The following IFT74 variants were observed in gnomAD, a reference collection of about 807,000 sequenced individuals.
The protein encoded by IFT74 is intraflagellar transport 74, also known as intraflagellar transport protein 74 homolog.
A neutral mutation model predicts 96.7 loss-of-function variants in IFT74; 92 were observed. That is an observed-to-expected ratio of 0.95 (90% confidence interval 0.80 to 1.13). The LOEUF (loss-of-function observed/expected upper bound fraction) is 1.13, where lower values mean the gene tolerates loss of function less well. IFT74 is among the 50% of genes most tolerant of loss of function. IFT74 has a pLI of 0.00. For synonymous variants in IFT74, 223 were observed against 213.2 expected (o/e 1.05, Z -0.40); for missense variants, 811 against 698.2 (o/e 1.16, Z -1.82).
intron 18 of IFT74, 90 bp downstream of exon 18, chr9:27,056,549 A>G (rs1311694714): frequency 2.6e-6 from 3 of 1,151,096 alleles, no homozygotes; most frequent in African/African-American, 3.2e-5. Context: ...TTTGCTTTAT[A>G]TACCTTCTAG....
intron 1 of IFT74, among the ~76,000 whole-genome samples, chr9:26,959,295 G>A (rs1826252318): frequency 6.6e-6 from 1 of 152,078 alleles, no homozygotes; most frequent in South Asian, 2.1e-4. Context: ...TTTTTTAGTA[G>A]AGACAGGGTT....
At chr9:27,011,778 T>C in intron 9 of IFT74, 128 bp from the exon 10 acceptor site, 2 of 441,504 alleles carry the variant, frequency 4.5e-6, no homozygotes, top group Non-Finnish European at 4.0e-6. Context: ...ATTTAGAAAA[T>C]TTACTTAGTC....
chr9:27,015,686 C>T (rs1275431685), intron 10 of IFT74, among the ~76,000 whole-genome samples: 1 of 152,024 alleles, frequency 6.6e-6, no homozygotes, highest in Admixed American at 6.6e-5. Context: ...TTATTTTGTT[C>T]AAGTTGTAGG....
At chr9:27,032,387 G>A (rs7857669) in intron 13 of IFT74, among the ~76,000 whole-genome samples, 35,835 of 151,990 alleles carry the variant, frequency 0.24, 5,204 homozygotes, top group East Asian at 0.69. Flanking sequence ...ATTCATACCA[G>A]GAAATGACAA....
rs113588892 is a variant in IFT74 at position 26,969,939 on chromosome 9, G to A, written c.120+7852G>A. 5.8e-3 allele frequency among the ~76,000 whole-genome samples: 876 copies of A among 151,928 alleles called. 12 individuals carry two copies. The highest frequency in any genetic ancestry group is 0.02 in the African/African-American group (818 of 41,476). On this transcript the variant is annotated intron_variant, in intron 2 of 19. Transcript: ENST00000380062. ...CTTATCCTGTCAGGGTATAAAATTC[G>A]TGGCTGACAATTTTTTTGTTTTGTT...
chr9:27,059,828 T>TA (rs1164049126), intron 18 of IFT74, among the ~76,000 whole-genome samples: 1 of 152,262 alleles, frequency 6.6e-6, no homozygotes, highest in Non-Finnish European at 1.5e-5. Context: ...ATTGTATTTT[T>TA]AAAAATAATC....
At chr9:26,989,594 A>T (rs566203079) in intron 7 of IFT74, among the ~76,000 whole-genome samples, 1 of 152,274 alleles carries the variant, frequency 6.6e-6, no homozygotes, top group African/African-American at 2.4e-5. Context: ...TAATTTAGTT[A>T]CTTTTAGCTT....
chr9:26,959,722 A>C (rs1554664531), intron 1 of IFT74, among the ~76,000 whole-genome samples: 1 of 152,082 alleles, frequency 6.6e-6, no homozygotes, highest in Non-Finnish European at 1.5e-5. Context: ...TCAAGTTGTA[A>C]TTTTTTTAAA....
At chr9:26,989,808 A>G (rs1348540027) in intron 7 of IFT74, among the ~76,000 whole-genome samples, 1 of 150,428 alleles carries the variant, frequency 6.6e-6, no homozygotes, top group Non-Finnish European at 1.5e-5. Flanking sequence ...AATTTAACAT[A>G]TTACTAATCA....
intron 6 of IFT74, among the ~76,000 whole-genome samples, chr9:26,987,029 G>A (rs4413873): frequency 0.32 from 49,059 of 152,002 alleles, 9,363 homozygotes; most frequent in East Asian, 0.71. Context: ...TGTTTTAAAT[G>A]TGAGCAAAAT....
At chr9:26,997,869 G>A in intron 8 of IFT74, 2 of 1,614,182 alleles carry the variant, frequency 1.2e-6, no homozygotes, top group Non-Finnish European at 1.7e-6. Flanking sequence ...TTGCCTTGCA[G>A]ATTCAGAAGT....
chr9:27,036,974 T>C (rs972585281), intron 13 of IFT74, among the ~76,000 whole-genome samples: 26 of 152,022 alleles, frequency 1.7e-4, no homozygotes, highest in African/African-American at 5.8e-4. Context: ...ATCCCAGCAC[T>C]TTGGGAGGCT....
At chr9:27,000,695 G>A (rs1291265619) in intron 8 of IFT74, among the ~76,000 whole-genome samples, 2 of 152,118 alleles carry the variant, frequency 1.3e-5, no homozygotes, top group Non-Finnish European at 2.9e-5. Context: ...TAGACGAGAG[G>A]GAGAGCATCA....
chr9:27,063,134 A>C lies in IFT74; in HGVS notation c.*398A>C, dbSNP rs1383577714. Among the ~76,000 whole-genome samples, 1 of 152,138 alleles carries C rather than the reference A, an allele frequency of 6.6e-6. No individual in the cohort carries two copies. Among genetic ancestry groups the C allele is most frequent in the African/African-American group, 2.4e-5 (1 of 41,446 alleles). On this transcript the variant is annotated 3_prime_UTR_variant, in exon 20 of 20. Coordinates refer to ENST00000380062, the MANE Select transcript of IFT74 (RefSeq NM_025103.4). Reference sequence around the variant, plus strand: ...ATCAACCTTGTCAATTTTTACTTCTAGAAAAAATTAGTAAGATTAGAAGGG... The same window carrying C: ...ATCAACCTTGTCAATTTTTACTTCTCGAAAAAATTAGTAAGATTAGAAGGG...
At chr9:26,951,708 G>A (rs1825941802), upstream of IFT74, among the ~76,000 whole-genome samples, 1 of 152,092 alleles carries the variant, frequency 6.6e-6, no homozygotes, top group South Asian at 2.1e-4. Flanking sequence ...CAACCACCCT[G>A]GGCAACACAG....
intron 2 of IFT74, among the ~76,000 whole-genome samples, chr9:26,964,591 C>T (rs1826523575): frequency 6.6e-6 from 1 of 152,008 alleles, no homozygotes; most frequent in African/African-American, 2.4e-5. Flanking sequence ...TCTTCCTACC[C>T]GTGAGCATGG....
rs186639658 is a variant in IFT74, at chr9:27,048,217, A to C, written c.1276A>C (p.Asn426His). Residue 426 changes from asparagine (N) to histidine (H), a missense_variant, in exon 16 of 20, where the codon AAT becomes CAT. Physicochemically the swap from Asn to His is moderately conservative, Grantham distance 68. Transcript: ENST00000380062. The stretch of plus-strand genomic sequence containing the variant: ...GCTAAAGATGATGCAGGATGACCTC[A>C]ATTTTAAATCTACTGAAGTGCAGAA... The part of the protein sequence containing the change: ...QELKMMQDDL[N>H]FKSTEVQKSQ... The C allele has an allele frequency of 6.2e-7, 1 of 1,608,228 alleles. No homozygotes were observed. Among genetic ancestry groups the C allele is most frequent in the Non-Finnish European group, 8.5e-7 (1 of 1,175,628 alleles).
At chr9:26,987,201 C>T (rs1277015826) in intron 6 of IFT74, among the ~76,000 whole-genome samples, 1 of 151,758 alleles carries the variant, frequency 6.6e-6, no homozygotes, top group Non-Finnish European at 1.5e-5. Context: ...AGGCGCTTGC[C>T]ACCAGCTGGG....
At chr9:26,990,994 C>T (rs746706288) in intron 8 of IFT74, among the ~76,000 whole-genome samples, 1 of 152,198 alleles carries the variant, frequency 6.6e-6, no homozygotes, top group Non-Finnish European at 1.5e-5. Flanking sequence ...TGTAAACACA[C>T]ATACAAGCAC....
Sources: gnomAD v4.1 joint callset for allele counts (sites outside exome capture counted in the v4.1 genomes callset) on GRCh38, gnomAD v4.1.1 for gene constraint, MANE v1.5 for transcripts, NCBI Gene and HGNC (gene_info 2026-07-23, HGNC 2026-07-21) for gene names.